Variants in MACROD2 observed in about 807,000 individuals in gnomAD.
MACROD2 encodes the protein mono-ADP ribosylhydrolase 2.
A neutral mutation model predicts 70.4 loss-of-function variants in MACROD2; 36 were observed. The ratio of observed to expected loss-of-function variants is 0.51; its 90% confidence interval spans 0.39 to 0.68. The LOEUF (loss-of-function observed/expected upper bound fraction) is 0.68, where lower values mean the gene tolerates loss of function less well. Among genes scored for constraint, MACROD2 ranks in the 30% least tolerant of loss-of-function variants. The pLI, the probability that MACROD2 is intolerant of heterozygous loss-of-function variation, is 0.00. For missense variants in MACROD2, 496 were observed against 538.4 expected (o/e 0.92, Z 0.78); for synonymous variants, 172 against 178.8 (o/e 0.96, Z 0.30).
chr20:14,583,692 G>A (rs968456012), intron 4 of MACROD2, among the ~76,000 whole-genome samples: 1 of 152,142 alleles, frequency 6.6e-6, no homozygotes. Context: ...GAAGGTTGTT[G>A]AAAGGATTAG....
intron 15 of MACROD2, among the ~76,000 whole-genome samples, chr20:16,001,767 T>C (rs2147505664): frequency 6.6e-6 from 1 of 152,286 alleles, no homozygotes; most frequent in Non-Finnish European, 1.5e-5. Flanking sequence ...TTTCATATAC[T>C]TACAAACATA....
intron 8 of MACROD2, among the ~76,000 whole-genome samples, chr20:15,629,950 T>A (rs1339687759): frequency 2.0e-5 from 3 of 152,232 alleles, no homozygotes; most frequent in Non-Finnish European, 4.4e-5. Context: ...AACATTTTCT[T>A]CTGTAAAATC....
intron 3 of MACROD2, among the ~76,000 whole-genome samples, chr20:14,469,660 C>T (rs1242473779): frequency 6.6e-6 from 1 of 151,810 alleles, no homozygotes; most frequent in East Asian, 2.0e-4. Flanking sequence ...TGTCTTCATG[C>T]TTTATTTCAT....
At chr20:15,767,267 T>C (rs1363704599) in intron 8 of MACROD2, among the ~76,000 whole-genome samples, 1 of 152,244 alleles carries the variant, frequency 6.6e-6, no homozygotes, top group Non-Finnish European at 1.5e-5. Context: ...GCCCTTGTGA[T>C]ACACCACATT....
At chr20:14,773,186 G>T (rs926959888) in intron 5 of MACROD2, among the ~76,000 whole-genome samples, 5 of 151,998 alleles carry the variant, frequency 3.3e-5, no homozygotes, top group African/African-American at 1.2e-4. Flanking sequence ...GTATATTTTT[G>T]CCACTAAAAT....
At chr20:15,285,037 A>T in intron 6 of MACROD2, among the ~76,000 whole-genome samples, 1 of 151,676 alleles carries the variant, frequency 6.6e-6, no homozygotes, top group South Asian at 2.1e-4. Flanking sequence ...TTCTATTTTT[A>T]TGACTAATGT....
chr20:15,738,102 A>C (rs1260931830), intron 8 of MACROD2, among the ~76,000 whole-genome samples: 1 of 152,174 alleles, frequency 6.6e-6, no homozygotes, highest in Non-Finnish European at 1.5e-5. Flanking sequence ...AAAATATAGA[A>C]AGAGTGAATA....
chr20:14,858,398 A>G (rs1336153518), intron 5 of MACROD2, among the ~76,000 whole-genome samples: 2 of 152,092 alleles, frequency 1.3e-5, no homozygotes, highest in Non-Finnish European at 2.9e-5. Flanking sequence ...CTCAGAAGAG[A>G]TTCTTTGAGT....
chr20:14,605,424 C>T (rs1982742998), intron 4 of MACROD2, among the ~76,000 whole-genome samples: 1 of 152,056 alleles, frequency 6.6e-6, no homozygotes, highest in African/African-American at 2.4e-5. Context: ...GGACATCAGT[C>T]ATATTGGATT....
rs71190156 is a variant in MACROD2 at position 14,855,597 on chromosome 20, G to GTTTTTT, written c.418+170663_418+170668dup. 4.1e-4 allele frequency among the ~76,000 whole-genome samples: 32 copies of GTTTTTT among 77,238 alleles called. 2 individuals are homozygous for GTTTTTT. Among genetic ancestry groups the GTTTTTT allele is most frequent in the Admixed American group, 1.2e-3 (6 of 5,002 alleles). The allele number at this position is 77,238 out of a possible 152,430, so 50.7% of individuals were successfully genotyped here. The stretch of plus-strand genomic sequence containing the variant: ...TTCAGAATTTTAGTGATCCTACCAA[G>GTTTTTT]TTTTTTTTTTTTTTTTTTTTTTTTT... On this transcript the variant is annotated intron_variant, in intron 5 of 17. Transcript: ENST00000684519.
Position 13,995,622 on chromosome 20 carries a change from G to A in MACROD2, c.-142G>A. The A allele has an allele frequency of 1.3e-6, 1 of 791,988 alleles. No homozygotes were observed. The highest frequency in any genetic ancestry group is 2.2e-6 in the Non-Finnish European group (1 of 458,140). 49.1% of individuals were successfully genotyped at this position (791,988 alleles called of 1,614,324 possible). ...GAGGGCGGCGACTGGAGAGCGGCGA[G>A]CGGCGAGCAGCGCAGGACGCAGAGC... On this transcript the variant is annotated 5_prime_UTR_variant, in exon 1 of 18. Coordinates refer to ENST00000684519, the MANE Select transcript of MACROD2 (RefSeq NM_001351661.2). This position sits in a 1 kb window ranked among gnomAD's most constrained non-coding sequence, Gnocchi z 4.3.
At chr20:15,930,440 A>G (rs1384757844) in intron 10 of MACROD2, among the ~76,000 whole-genome samples, 3 of 152,210 alleles carry the variant, frequency 2.0e-5, no homozygotes, top group Non-Finnish European at 2.9e-5. Flanking sequence ...TTGCCCAAGA[A>G]TGCATATGCT....
At chr20:15,792,431 C>T (rs2063632787) in intron 8 of MACROD2, among the ~76,000 whole-genome samples, 1 of 151,944 alleles carries the variant, frequency 6.6e-6, no homozygotes, top group Non-Finnish European at 1.5e-5. Flanking sequence ...AAACATGTGA[C>T]AGGTCGAGAC....
intron 3 of MACROD2, among the ~76,000 whole-genome samples, chr20:14,395,439 C>T (rs1444452357): frequency 6.6e-6 from 1 of 151,822 alleles, no homozygotes; most frequent in Non-Finnish European, 1.5e-5. Context: ...GTTAAAATGT[C>T]ATTTCTCTCA....
chr20:14,149,505 C>T (rs2054988658), intron 3 of MACROD2, among the ~76,000 whole-genome samples: 1 of 152,110 alleles, frequency 6.6e-6, no homozygotes, highest in Non-Finnish European at 1.5e-5. Context: ...GATATATACC[C>T]AGTAATGAGA....
intron 5 of MACROD2, among the ~76,000 whole-genome samples, chr20:14,892,422 A>G (rs2073773798): frequency 1.3e-5 from 2 of 152,088 alleles, no homozygotes; most frequent in South Asian, 4.2e-4. Context: ...TGGCAGTGAC[A>G]TTGCACTCCA....
chr20:15,394,301 T>A (rs1215348913), intron 6 of MACROD2, among the ~76,000 whole-genome samples: 1 of 152,212 alleles, frequency 6.6e-6, no homozygotes, highest in African/African-American at 2.4e-5. Context: ...CAATTTTGGG[T>A]CTTTTCATAT....
chr20:15,133,885 T>C (rs1323861003), intron 5 of MACROD2, among the ~76,000 whole-genome samples: 3 of 150,218 alleles, frequency 2.0e-5, no homozygotes, highest in East Asian at 2.0e-4. Context: ...TATACAATTA[T>C]ATTAATACTT....
chr20:14,764,458 A>G (rs963715212), intron 5 of MACROD2, among the ~76,000 whole-genome samples: 3 of 152,002 alleles, frequency 2.0e-5, no homozygotes, highest in African/African-American at 7.3e-5. Flanking sequence ...GCCAGATTCC[A>G]TGTGTCTTTT....
Sources: allele counts gnomAD v4.1 joint callset (sites outside exome capture counted in the v4.1 genomes callset), GRCh38; gene constraint gnomAD v4.1.1; non-coding constraint Gnocchi (gnomAD v3.1); transcripts MANE v1.5; gene names NCBI Gene and HGNC (gene_info 2026-07-23, HGNC 2026-07-21).